VPS13D: variants seen among roughly 807,000 people sequenced by gnomAD.
VPS13D encodes the protein intermembrane lipid transfer protein VPS13D.
In VPS13D, 187 loss-of-function variants were observed where a neutral mutation model predicts 461.9. That is an observed-to-expected ratio of 0.40 (90% CI 0.36 to 0.46). VPS13D has a LOEUF of 0.46. Among genes scored for constraint, VPS13D ranks in the 20% least tolerant of loss-of-function variants. The pLI is 0.60. For missense variants in VPS13D, 4,711 were observed against 5,364.9 expected (o/e 0.88, Z 3.81); for synonymous variants, 1,951 against 1,986.3 (o/e 0.98, Z 0.47).
chr1:12,369,827 C>T, intron 54 of VPS13D, 125 bp downstream of exon 54: 1 of 889,712 alleles, frequency 1.1e-6, no homozygotes, highest in South Asian at 1.8e-5. Flanking sequence ...CTTTACCAAA[C>T]CCTGGGCTCA....
chr1:12,386,076 GAGAGATCGGGAGT>G, intron 59 of VPS13D, 96 bp from the exon 60 acceptor site: 4 of 1,315,720 alleles, frequency 3.0e-6, no homozygotes, highest in Non-Finnish European at 4.1e-6. Context: ...TTCATCTGCT[GAGAGATCGGGAGT>G]AGAGGAATGT....
At position 12,322,554 on chromosome 1, in the gene VPS13D, G is replaced by T. The variant is rs1252920633; in HGVS notation, c.7723G>T (p.Asp2575Tyr). The T allele has an allele frequency of 3.1e-6, 5 of 1,614,180 alleles. No individual in the cohort carries two copies. The highest frequency in any genetic ancestry group is 4.2e-6 in the Non-Finnish European group (5 of 1,180,024). The change falls in exon 34 of 70, where the codon GAT becomes TAT. Residue 2575 changes from aspartate to tyrosine, a missense_variant. Transcript: ENST00000620676. ...TTGTTAGATTCAGTTACAAGCCCTGGATATCAGACTCTCCTATAATGATGT... is the reference window on the plus strand; with the variant it reads ...TTGTTAGATTCAGTTACAAGCCCTGTATATCAGACTCTCCTATAATGATGT... ...PVLEIQLQALDIRLSYNDVQL... is the reference protein window; with the variant it reads ...PVLEIQLQALYIRLSYNDVQL...
intron 66 of VPS13D, among the ~76,000 whole-genome samples, chr1:12,459,840 TCTC>T (rs1485581666): frequency 6.6e-6 from 1 of 152,064 alleles, no homozygotes; most frequent in African/African-American, 2.4e-5. Context: ...AATTTTCTAG[TCTC>T]CTGTTGATTT....
intron 65 of VPS13D, among the ~76,000 whole-genome samples, chr1:12,452,790 A>T (rs1385274849): frequency 3.9e-5 from 6 of 152,212 alleles, no homozygotes; most frequent in African/African-American, 1.4e-4. Context: ...GTTTGGTTGG[A>T]TCATAGATTT....
intron 5 of VPS13D, among the ~76,000 whole-genome samples, chr1:12,246,245 A>G (rs1354086037): frequency 6.6e-6 from 1 of 152,130 alleles, no homozygotes; most frequent in Non-Finnish European, 1.5e-5. Flanking sequence ...TCAGACTGGG[A>G]GATTGAGCCT....
At chr1:12,498,301 C>G (rs1191985769) in intron 68 of VPS13D, among the ~76,000 whole-genome samples, 1 of 152,102 alleles carries the variant, frequency 6.6e-6, no homozygotes, top group Non-Finnish European at 1.5e-5. Context: ...TTAATTTCTT[C>G]TGATGCTTAT....
intron 17 of VPS13D, among the ~76,000 whole-genome samples, chr1:12,272,425 G>GTT: frequency 6.6e-6 from 1 of 151,646 alleles, no homozygotes; most frequent in South Asian, 2.1e-4. Flanking sequence ...GTGTGTGTGT[G>GTT]TGTGTTTCTA....
At chr1:12,350,268 C>T (rs1643764992) in intron 46 of VPS13D, among the ~76,000 whole-genome samples, 5 of 152,134 alleles carry the variant, frequency 3.3e-5, no homozygotes, top group Admixed American at 2.6e-4. Context: ...GAGAGATCAT[C>T]TGCTGGGCCA....
chr1:12,492,621 A>G (rs1206918954), intron 67 of VPS13D, among the ~76,000 whole-genome samples: 1 of 152,230 alleles, frequency 6.6e-6, no homozygotes, highest in East Asian at 1.9e-4. Context: ...GAACGTTTAT[A>G]TCTTGTGAGC....
intron 67 of VPS13D, among the ~76,000 whole-genome samples, chr1:12,481,080 T>C (rs1282960983): frequency 2.6e-5 from 4 of 152,308 alleles, no homozygotes; most frequent in Middle Eastern, 3.4e-3. Context: ...AAACCCTCAG[T>C]TGGAGGAAAG....
chr1:12,444,876 A>G (rs1195152199), intron 65 of VPS13D, among the ~76,000 whole-genome samples: 1 of 152,216 alleles, frequency 6.6e-6, no homozygotes, highest in Non-Finnish European at 1.5e-5. Flanking sequence ...ATTTTTCTCC[A>G]GAGAGGAGTT....
intron 54 of VPS13D, among the ~76,000 whole-genome samples, chr1:12,372,033 T>G (rs140839858): frequency 1.3e-5 from 2 of 152,128 alleles, no homozygotes; most frequent in African/African-American, 2.4e-5. Flanking sequence ...CTCACCAACA[T>G]GTGTTGGTTT....
At chr1:12,313,463 G>A (rs950511358) in intron 29 of VPS13D, among the ~76,000 whole-genome samples, 15 of 151,602 alleles carry the variant, frequency 9.9e-5, no homozygotes, top group Non-Finnish European at 1.9e-4. Flanking sequence ...CATGAGCCAC[G>A]TCACCCAGCG....
Position 12,276,721 on chromosome 1 carries a change from T to C in VPS13D, c.3133T>C (p.Ser1045Pro). The C allele has an allele frequency of 6.2e-7, 1 of 1,614,188 alleles. No individual in the cohort carries two copies. Among genetic ancestry groups the C allele is most frequent in the Non-Finnish European group, 8.5e-7 (1 of 1,180,034 alleles). Residue 1045 changes from serine to proline, a missense_variant, in exon 19 of 70, where the codon TCT becomes CCT. By Grantham distance (74) the Ser-to-Pro change is moderately conservative. Transcript: ENST00000620676. This position sits in a 1 kb window ranked among gnomAD's most constrained non-coding sequence, Gnocchi z 4.5. ...GGATAGCAGGGCCCAGTCTCCTGTC[T>C]CTGGACCGAATGTGGCCCACTTAAC... ...LRDSRAQSPV[S>P]GPNVAHLTDG...
intron 67 of VPS13D, among the ~76,000 whole-genome samples, chr1:12,472,619 A>T (rs1283559337): frequency 6.6e-6 from 1 of 152,132 alleles, no homozygotes; most frequent in East Asian, 1.9e-4. Context: ...CCTTCTCTTT[A>T]TCCTTTTGGA....
At chr1:12,256,556 G>GT (rs1183436917) in intron 8 of VPS13D, 53 bp downstream of exon 8, 3 of 1,589,052 alleles carry the variant, frequency 1.9e-6, no homozygotes, top group Non-Finnish European at 2.6e-6. Flanking sequence ...GGTGACTGCA[G>GT]TGAAAGTCTT....
chr1:12,379,519 C>T lies in VPS13D; in HGVS notation c.11113C>T (p.Arg3705Cys), dbSNP rs555293849. The T allele has an allele frequency of 4.9e-5, 79 of 1,613,256 alleles. 1 individual carries two copies. In the Middle Eastern group the frequency reaches 1.8e-3, roughly 37 times the overall value. Residue 3705 changes from arginine (R) to cysteine (C), a missense_variant, in exon 57 of 70, where the codon CGC (arginine) becomes TGC (cysteine). Physicochemically the swap from Arg to Cys is radical, Grantham distance 180 (BLOSUM62 -3). This residue lies in a region of VPS13D where 4,411 missense variants were observed against 4,937.8 expected (regional missense o/e 0.89). Transcript: ENST00000620676. The part of the protein sequence containing the change: ...YEPLMLRKPD[R>C]RRSTTQTWSF... ...GCCACTGATGCTGAGAAAGCCTGAC[C>T]GCAGGCGAAGCACAACTCAGACGTG...
intron 18 of VPS13D, among the ~76,000 whole-genome samples, chr1:12,273,776 C>T (rs558940708): frequency 1.3e-5 from 2 of 152,058 alleles, no homozygotes; most frequent in Non-Finnish European, 2.9e-5. Flanking sequence ...GTGGCTGTTC[C>T]GCGTTTTGTT....
intron 46 of VPS13D, among the ~76,000 whole-genome samples, chr1:12,350,671 G>C (rs915176747): frequency 1.3e-5 from 2 of 152,098 alleles, no homozygotes; most frequent in South Asian, 4.1e-4. Context: ...TCAGAAGTTA[G>C]TTAAAGAACA....
Sources: gnomAD v4.1 joint callset for allele counts (sites outside exome capture counted in the v4.1 genomes callset) on GRCh38, gnomAD v4.1.1 for gene constraint, gnomAD v4.1.1 regional missense constraint, Gnocchi (gnomAD v3.1) non-coding constraint, MANE v1.5 for transcripts, NCBI Gene and HGNC (gene_info 2026-07-23, HGNC 2026-07-21) for gene names.